The following NELL1 variants were observed in gnomAD, a reference collection of about 807,000 sequenced individuals.
The protein encoded by NELL1 is neural EGFL like 1.
A neutral mutation model predicts 107.4 loss-of-function variants in NELL1; 76 were observed. That is an observed-to-expected ratio of 0.71 (90% CI 0.59 to 0.86). NELL1 has a LOEUF of 0.86. NELL1 is among the 40% of genes least tolerant of loss of function. The pLI is 0.00. For synonymous variants in NELL1, 353 were observed against 341.2 expected, an observed-to-expected ratio of 1.03 and a Z score of -0.38; for missense variants, 1,024 against 1,005.5, an observed-to-expected ratio of 1.02 and a Z score of -0.25.
At chr11:20,963,534 T>A (rs568284897) in intron 12 of NELL1, among the ~76,000 whole-genome samples, 14 of 152,200 alleles carry the variant, frequency 9.2e-5, no homozygotes, top group African/African-American at 3.4e-4. Flanking sequence ...AACCATTCTT[T>A]TATGATTACA....
chr11:21,260,872 A>G (rs1848516281), intron 14 of NELL1: 1 of 151,926 alleles, frequency 6.6e-6, no homozygotes, highest in Non-Finnish European at 1.5e-5. Flanking sequence ...GGAGAGAATT[A>G]TACATGGAAG....
chr11:21,402,382 C>T (rs928098956), intron 15 of NELL1, among the ~76,000 whole-genome samples: 2 of 151,668 alleles, frequency 1.3e-5, no homozygotes, highest in South Asian at 2.1e-4. Context: ...ATAATATTTG[C>T]GTTTTACAGA....
At chr11:21,565,692 G>A (rs1856955212) in intron 17 of NELL1, among the ~76,000 whole-genome samples, 1 of 151,894 alleles carries the variant, frequency 6.6e-6, no homozygotes, top group East Asian at 1.9e-4. Context: ...GAAAATCATT[G>A]TTATGAAAGT....
intron 12 of NELL1, among the ~76,000 whole-genome samples, chr11:21,064,497 G>A (rs1853821252): frequency 6.6e-6 from 1 of 152,168 alleles, no homozygotes; most frequent in African/African-American, 2.4e-5. Flanking sequence ...AAACTGAGGG[G>A]TTGAGTAGTC....
chr11:21,065,771 A>G (rs1451006549), intron 12 of NELL1, among the ~76,000 whole-genome samples: 1 of 152,220 alleles, frequency 6.6e-6, no homozygotes, highest in Admixed American at 6.5e-5. Flanking sequence ...TCTGTATTCA[A>G]TTGAATAAGT....
chr11:21,076,278 G>T (rs942638632), intron 12 of NELL1, among the ~76,000 whole-genome samples: 2 of 152,186 alleles, frequency 1.3e-5, no homozygotes, highest in Non-Finnish European at 2.9e-5. Context: ...ATGGAGTCAG[G>T]GTTTCCCCTC....
chr11:21,249,934 G>A (rs1858595279), intron 14 of NELL1, among the ~76,000 whole-genome samples: 1 of 152,114 alleles, frequency 6.6e-6, no homozygotes. Context: ...AATACCCATT[G>A]GTGATGTTTT....
chr11:20,797,297 G>T (rs1857188554), intron 3 of NELL1, among the ~76,000 whole-genome samples: 1 of 151,736 alleles, frequency 6.6e-6, no homozygotes, highest in Non-Finnish European at 1.5e-5. Flanking sequence ...GGGCGCGGTG[G>T]CTCGCGCCTG....
In NELL1 at chr11:20,768,145, C is replaced by A. The variant is rs554637410; in HGVS notation, c.185-15535C>A. Among the ~76,000 whole-genome samples the A allele has an allele frequency of 2.6e-5, 4 of 152,264 alleles. No individual in the cohort carries two copies. The South Asian group carries it at 6.2e-4, about 24-fold the overall frequency. On this transcript the variant is annotated intron_variant, in intron 2 of 19. Coordinates refer to ENST00000357134, the MANE Select transcript of NELL1 (RefSeq NM_006157.5). ...CATATGCTAGGTACTATTCTAAATT[C>A]TTTATATTCATGAGCTCATTTAATC...
intron 5 of NELL1, among the ~76,000 whole-genome samples, chr11:20,916,064 A>G (rs910305901): frequency 2.6e-5 from 4 of 151,830 alleles, no homozygotes; most frequent in African/African-American, 7.2e-5. Flanking sequence ...TAACATTCCC[A>G]TCTTGATTCA....
intron 12 of NELL1, among the ~76,000 whole-genome samples, chr11:21,097,367 G>A (rs551404413): frequency 1.1e-4 from 17 of 152,232 alleles, no homozygotes; most frequent in African/African-American, 3.4e-4. Flanking sequence ...GGTGCCACTC[G>A]CATCAGTCAA....
At chr11:21,330,399 A>G (rs1945425) in intron 14 of NELL1, among the ~76,000 whole-genome samples, 18,172 of 152,106 alleles carry the variant, frequency 0.12, 1,387 homozygotes, top group Non-Finnish European at 0.17. Flanking sequence ...TTTAATAGTT[A>G]TTGCAAGTGC....
At chr11:21,359,347 T>G (rs1851019131) in intron 14 of NELL1, among the ~76,000 whole-genome samples, 1 of 152,228 alleles carries the variant, frequency 6.6e-6, no homozygotes, top group Non-Finnish European at 1.5e-5. Context: ...TAATGGTGTA[T>G]TATCTTTTTG....
At chr11:21,314,656 A>G (rs1197636263) in intron 14 of NELL1, among the ~76,000 whole-genome samples, 1 of 152,174 alleles carries the variant, frequency 6.6e-6, no homozygotes, top group Non-Finnish European at 1.5e-5. Flanking sequence ...GCATGCCTGG[A>G]GTACGAAAAG....
At chr11:20,872,458 G>A (rs946152411) in intron 4 of NELL1, among the ~76,000 whole-genome samples, 1 of 152,156 alleles carries the variant, frequency 6.6e-6, no homozygotes, top group African/African-American at 2.4e-5. Context: ...TGGGCTTACA[G>A]GTATGAGCCA....
intron 15 of NELL1, among the ~76,000 whole-genome samples, chr11:21,417,326 C>T (rs185601458): frequency 6.6e-6 from 1 of 151,854 alleles, no homozygotes; most frequent in African/African-American, 2.4e-5. Context: ...GCATTTCTTA[C>T]CTTTTTGGTG....
At chr11:20,813,101 A>G (rs1024511561) in intron 3 of NELL1, among the ~76,000 whole-genome samples, 2 of 151,016 alleles carry the variant, frequency 1.3e-5, no homozygotes, top group African/African-American at 4.9e-5. Flanking sequence ...GATTCCATGT[A>G]TCACACCTTC....
intron 13 of NELL1, among the ~76,000 whole-genome samples, chr11:21,224,261 G>T (rs1857835107): frequency 6.6e-6 from 1 of 151,848 alleles, no homozygotes; most frequent in Admixed American, 6.6e-5. Context: ...ATTATTTTTT[G>T]AGGCAAGGTC....
At chr11:21,447,767 C>G (rs1024598121) in intron 15 of NELL1, among the ~76,000 whole-genome samples, 1 of 152,124 alleles carries the variant, frequency 6.6e-6, no homozygotes, top group Non-Finnish European at 1.5e-5. Context: ...TGCATACCCC[C>G]CAAGTCCTCT....
Sources: allele counts gnomAD v4.1 joint callset (sites outside exome capture counted in the v4.1 genomes callset), GRCh38; gene constraint gnomAD v4.1.1; transcripts MANE v1.5; gene names NCBI Gene and HGNC (gene_info 2026-07-23, HGNC 2026-07-21).